The following ARL8B variants were observed in gnomAD, a reference collection of about 807,000 sequenced individuals.
The protein encoded by ARL8B is ADP-ribosylation factor-like protein 8B.
In ARL8B, 9 loss-of-function variants were observed where a neutral mutation model predicts 30.6. That is an observed-to-expected ratio of 0.29 (90% CI 0.18 to 0.51). The LOEUF is 0.51. ARL8B is among the 20% of genes least tolerant of loss of function. The probability of loss-of-function intolerance (pLI) is 0.97; values close to 1 mark genes in which losing one functional copy is unlikely to be tolerated. For missense variants in ARL8B, 130 were observed against 227.2 expected, an observed-to-expected ratio of 0.57 and a Z score of 2.75; for synonymous variants, 74 against 76.0, an observed-to-expected ratio of 0.97 and a Z score of 0.14.
chr3:5,123,018 T>G (rs539105841), intron 1 of ARL8B, among the ~76,000 whole-genome samples: 3 of 152,278 alleles, frequency 2.0e-5, no homozygotes, highest in Admixed American at 6.5e-5. Flanking sequence ...GCGTAAGCAT[T>G]AAGAGCCTCT....
Position 5,174,412 on chromosome 3 carries a change from T to A in ARL8B, c.509T>A (p.Ile170Lys). Residue 170 changes from isoleucine (I) to lysine (K), a missense_variant and splice_region_variant, in exon 6 of 7, where the codon ATA becomes AAA. Transcript: ENST00000256496. Reference protein sequence around the residue: ...YSISCKEKDNIDITLQWLIQH... With the variant: ...YSISCKEKDNKDITLQWLIQH... ...ATTTCTTGCAAAGAAAAGGATAATA[T>A]AGGTAAGAAATGACTGGTAATTTTG... The A allele has an allele frequency of 6.3e-7, 1 of 1,590,666 alleles. No individual in the cohort carries two copies. The highest frequency in any genetic ancestry group is 8.6e-7 in the Non-Finnish European group (1 of 1,159,366).
intron 1 of ARL8B, among the ~76,000 whole-genome samples, chr3:5,161,030 C>T (rs1321478150): frequency 1.3e-5 from 2 of 152,168 alleles, no homozygotes; most frequent in African/African-American, 4.8e-5. Flanking sequence ...GCCATCTTCC[C>T]ACCTCAGCCT....
intron 1 of ARL8B, among the ~76,000 whole-genome samples, chr3:5,168,331 A>G (rs1207387156): frequency 6.6e-6 from 1 of 152,206 alleles, no homozygotes; most frequent in Non-Finnish European, 1.5e-5. Context: ...TCAGCCTCCC[A>G]AAGTGCTGGA....
At chr3:5,130,520 T>TTGTG (rs199722970) in intron 1 of ARL8B, among the ~76,000 whole-genome samples, 2 of 151,874 alleles carry the variant, frequency 1.3e-5, no homozygotes, top group African/African-American at 4.8e-5. Context: ...GCTTGCTTGC[T>TTGTG]TGTGTGTGTG....
chr3:5,172,545 T>C (rs2054685659), intron 3 of ARL8B, 102 bp from the exon 4 acceptor site: 2 of 822,326 alleles, frequency 2.4e-6, no homozygotes, highest in Non-Finnish European at 3.9e-6. Context: ...TGGTTAATAA[T>C]TTCAATAATG....
intron 1 of ARL8B, among the ~76,000 whole-genome samples, chr3:5,125,137 A>C (rs2054219216): frequency 6.6e-6 from 1 of 152,078 alleles, no homozygotes; most frequent in South Asian, 2.1e-4. Context: ...TTGAGTCCTT[A>C]CTTTCCCATC....
intron 1 of ARL8B, among the ~76,000 whole-genome samples, chr3:5,161,300 A>C (rs2054578216): frequency 6.7e-6 from 1 of 150,294 alleles, no homozygotes; most frequent in Non-Finnish European, 1.5e-5. Context: ...CAGCAACATC[A>C]AAAAAAGACA....
chr3:5,162,987 CTTTTT>C (rs58230539), intron 1 of ARL8B, among the ~76,000 whole-genome samples: 21 of 125,814 alleles, frequency 1.7e-4, no homozygotes, highest in African/African-American at 6.4e-4. Context: ...TTAGCTCCCA[CTTTTT>C]TTTTTTTTTT....
intron 1 of ARL8B, among the ~76,000 whole-genome samples, chr3:5,129,432 G>A (rs772811154): frequency 6.6e-6 from 1 of 152,168 alleles, no homozygotes; most frequent in Non-Finnish European, 1.5e-5. Context: ...TGTTGATGAA[G>A]TAGAACGGTA....
intron 1 of ARL8B, among the ~76,000 whole-genome samples, chr3:5,148,942 A>G (rs1385972573): frequency 1.3e-5 from 2 of 152,000 alleles, no homozygotes. Flanking sequence ...TCTGTTTCCC[A>G]TTTTTGATCA....
intron 6 of ARL8B, 149 bp from the exon 7 acceptor site, chr3:5,178,515 C>T (rs569080558): frequency 9.7e-5 from 57 of 589,808 alleles, no homozygotes; most frequent in African/African-American, 6.8e-4. Context: ...TCTTGAAGTT[C>T]GGGTAATGGA....
At chr3:5,172,316 T>C in intron 3 of ARL8B, 93 bp downstream of exon 3, 2 of 1,106,150 alleles carry the variant, frequency 1.8e-6, no homozygotes, top group Non-Finnish European at 2.7e-6. Context: ...TCAATTTTTA[T>C]CTCAGGCAGT....
intron 4 of ARL8B, 132 bp from the exon 5 acceptor site, chr3:5,173,885 G>T: frequency 1.3e-6 from 1 of 743,428 alleles, no homozygotes; most frequent in South Asian, 1.5e-5. Context: ...CAAGCCACCA[G>T]TTACACAAAT....
intron 1 of ARL8B, among the ~76,000 whole-genome samples, chr3:5,156,520 G>A (rs1288855827): frequency 2.0e-5 from 3 of 151,978 alleles, no homozygotes; most frequent in Admixed American, 2.0e-4. Context: ...AAGTTCAAGC[G>A]ATACTCTTGC....
rs11928870 is a variant in ARL8B at position 5,151,367 on chromosome 3, C to G, written c.124-19136C>G. Among the ~76,000 whole-genome samples, 1,024 of 152,190 alleles carry G rather than the reference C, an allele frequency of 6.7e-3. 12 individuals carry two copies. The highest frequency in any genetic ancestry group is 0.023 in the African/African-American group (967 of 41,528). On this transcript the variant is annotated intron_variant, in intron 1 of 6. Coordinates refer to ENST00000256496, the MANE Select transcript of ARL8B (RefSeq NM_018184.3). ...ATGAGGTAGAAGAATTGCTTGAACT[C>G]AGGAGTCTGAGGCTGCAGTGAGCTA...
chr3:5,150,512 G>A (rs1006111358), intron 1 of ARL8B, among the ~76,000 whole-genome samples: 1 of 149,402 alleles, frequency 6.7e-6, no homozygotes, highest in Non-Finnish European at 1.5e-5. Context: ...GCCAGGCATG[G>A]TGGCTCACAT....
intron 1 of ARL8B, among the ~76,000 whole-genome samples, chr3:5,137,661 C>T (rs558283680): frequency 6.6e-6 from 1 of 152,272 alleles, no homozygotes; most frequent in Non-Finnish European, 1.5e-5. Flanking sequence ...CTGGTCTCAA[C>T]TCCTGATCTC....
intron 1 of ARL8B, among the ~76,000 whole-genome samples, chr3:5,126,618 T>C (rs1056563881): frequency 6.6e-6 from 1 of 152,204 alleles, no homozygotes; most frequent in Non-Finnish European, 1.5e-5. Flanking sequence ...TACAGAATGC[T>C]CAGACTTAGA....
At chr3:5,133,407 G>T (rs1375386951) in intron 1 of ARL8B, among the ~76,000 whole-genome samples, 3 of 152,300 alleles carry the variant, frequency 2.0e-5, no homozygotes, top group African/African-American at 4.8e-5. Flanking sequence ...GAGAGACATT[G>T]AGGGAGACAG....
Sources: gnomAD v4.1 joint callset for allele counts (sites outside exome capture counted in the v4.1 genomes callset) on GRCh38, gnomAD v4.1.1 for gene constraint, MANE v1.5 for transcripts, NCBI Gene and HGNC (gene_info 2026-07-23, HGNC 2026-07-21) for gene names.